Variants in GHR observed in about 807,000 individuals in gnomAD.
GHR encodes growth hormone receptor.
Under a neutral mutation model 67.1 loss-of-function variants are expected in GHR, and 35 were observed. The observed-to-expected ratio is 0.52, with a 90% CI of 0.40 to 0.69. GHR has a LOEUF of 0.69. Ranked by LOEUF, GHR falls within the 30% of genes least tolerant of loss-of-function variation. GHR has a pLI of 0.00. For synonymous variants in GHR, 272 were observed against 269.1 expected (o/e 1.01, Z -0.10); for missense variants, 792 against 764.6 (o/e 1.04, Z -0.42).
intron 7 of GHR, among the ~76,000 whole-genome samples, chr5:42,712,253 G>C (rs937688618): frequency 1.3e-5 from 2 of 151,978 alleles, no homozygotes; most frequent in African/African-American, 4.8e-5. Flanking sequence ...AATTTCTATA[G>C]CACCATTTTC....
intron 3 of GHR, among the ~76,000 whole-genome samples, chr5:42,632,020 AC>A (rs1237471836): frequency 6.6e-6 from 1 of 150,718 alleles, no homozygotes; most frequent in Non-Finnish European, 1.5e-5. Context: ...CTCTCCTTCC[AC>A]CCCCTGCCCC....
At chr5:42,454,055 CTG>C (rs1744158321) in intron 1 of GHR, among the ~76,000 whole-genome samples, 1 of 152,146 alleles carries the variant, frequency 6.6e-6, no homozygotes, top group African/African-American at 2.4e-5. Flanking sequence ...ATTGCAGTGA[CTG>C]TTATTGTTCT....
intron 1 of GHR, among the ~76,000 whole-genome samples, chr5:42,453,682 A>C (rs1744143072): frequency 6.6e-6 from 1 of 152,174 alleles, no homozygotes; most frequent in African/African-American, 2.4e-5. Context: ...GCAGGCCTGA[A>C]TCTGGGGTTT....
intron 3 of GHR, among the ~76,000 whole-genome samples, chr5:42,632,298 C>T (rs1046291468): frequency 6.6e-6 from 1 of 152,062 alleles, no homozygotes; most frequent in African/African-American, 2.4e-5. Flanking sequence ...TCAGTCCTGC[C>T]CACCTTTAAG....
intron 1 of GHR, among the ~76,000 whole-genome samples, chr5:42,460,106 C>T (rs568214009): frequency 3.9e-5 from 6 of 152,242 alleles, no homozygotes; most frequent in Middle Eastern, 3.4e-3. Flanking sequence ...AACAGACACC[C>T]GAGTTCTCTC....
At chr5:42,643,570 T>G (rs1754583398) in intron 3 of GHR, among the ~76,000 whole-genome samples, 1 of 152,136 alleles carries the variant, frequency 6.6e-6, no homozygotes, top group African/African-American at 2.4e-5. Flanking sequence ...TCATCAAATA[T>G]CCACAGTGGT....
chr5:42,657,102 G>A (rs911327460), intron 3 of GHR, among the ~76,000 whole-genome samples: 1 of 151,992 alleles, frequency 6.6e-6, no homozygotes, highest in Non-Finnish European at 1.5e-5. Flanking sequence ...ACTGGGTAGG[G>A]GCTTAGCAGT....
intron 1 of GHR, among the ~76,000 whole-genome samples, chr5:42,426,809 C>T (rs1444650531): frequency 6.6e-6 from 1 of 151,916 alleles, no homozygotes; most frequent in Non-Finnish European, 1.5e-5. Context: ...ATAATATGTC[C>T]CATAAAAGAA....
chr5:42,455,656 C>A (rs1482075266), intron 1 of GHR, among the ~76,000 whole-genome samples: 1 of 152,174 alleles, frequency 6.6e-6, no homozygotes, highest in East Asian at 1.9e-4. Flanking sequence ...AGTGGCAAGT[C>A]CTTTGCCTTC....
rs1742759569 is a variant in GHR, at chr5:42,424,571, T to G, written c.-12+616T>G. ...ACCGATGGAACTGGGGTCAGTAGAG[T>G]GACAGCCACCAGTCCGCATGAACTG... On this transcript the variant is annotated intron_variant, in intron 1 of 9. Transcript: ENST00000230882. The surrounding 1 kb of genome is among the most constrained non-coding windows in gnomAD (Gnocchi z 4.1). The G allele has an allele frequency of 6.5e-7, 1 of 1,534,282 alleles. No individual in the cohort carries two copies. Among genetic ancestry groups the G allele is most frequent in the African/African-American group, 1.4e-5 (1 of 73,070 alleles).
In GHR at chr5:42,563,130, A is replaced by C. The variant is rs549304673; in HGVS notation, c.-11-2734A>C. On this transcript the variant is annotated intron_variant, in intron 1 of 9. Transcript: ENST00000230882. ...AAACCAGAGGATGCAGCCTTCCGAG[A>C]AATGCAAACCTGTTCACATTCTTGC... Among the ~76,000 whole-genome samples the C allele has an allele frequency of 9.8e-5, 15 of 152,332 alleles. No individual in the cohort carries two copies. In the East Asian group the frequency reaches 2.5e-3, roughly 25 times the overall value.
At chr5:42,626,396 A>T (rs1290995571) in intron 2 of GHR, among the ~76,000 whole-genome samples, 1 of 152,188 alleles carries the variant, frequency 6.6e-6, no homozygotes, top group Admixed American at 6.5e-5. Context: ...AGCTTATTAG[A>T]AAGGATATTA....
At chr5:42,438,746 C>T (rs1463654842) in intron 1 of GHR, among the ~76,000 whole-genome samples, 1 of 152,118 alleles carries the variant, frequency 6.6e-6, no homozygotes, top group African/African-American at 2.4e-5. Flanking sequence ...TAGTGAACCA[C>T]AGCCTCCATG....
At chr5:42,448,208 C>T (rs186910180) in intron 1 of GHR, among the ~76,000 whole-genome samples, 167 of 152,282 alleles carry the variant, frequency 1.1e-3, no homozygotes, top group African/African-American at 3.7e-3. Flanking sequence ...TACATTCCCA[C>T]CAGTAGCGTA....
intron 2 of GHR, among the ~76,000 whole-genome samples, chr5:42,567,744 AGT>A (rs1436722847): frequency 6.8e-6 from 1 of 148,098 alleles, no homozygotes; most frequent in South Asian, 2.2e-4. Context: ...AGCACGTTCC[AGT>A]GTGTGTGTGC....
intron 3 of GHR, among the ~76,000 whole-genome samples, chr5:42,641,208 A>G (rs1754458574): frequency 7.4e-6 from 1 of 134,758 alleles, no homozygotes; most frequent in Admixed American, 7.1e-5. Flanking sequence ...CCTTTGAAAA[A>G]GGTGTCTTTT....
chr5:42,563,519 G>C (rs1749738185), intron 1 of GHR, among the ~76,000 whole-genome samples: 1 of 150,824 alleles, frequency 6.6e-6, no homozygotes, highest in South Asian at 2.1e-4. Context: ...TCGGGAGGCT[G>C]AGGCAGGAGA....
At chr5:42,697,302 T>C (rs1240826261) in intron 5 of GHR, among the ~76,000 whole-genome samples, 2 of 152,258 alleles carry the variant, frequency 1.3e-5, no homozygotes, top group Non-Finnish European at 2.9e-5. Context: ...TTTATTATGC[T>C]CTTCTCTCAG....
intron 1 of GHR, among the ~76,000 whole-genome samples, chr5:42,528,581 A>G (rs1361824467): frequency 6.6e-6 from 1 of 152,222 alleles, no homozygotes; most frequent in Non-Finnish European, 1.5e-5. Flanking sequence ...TGCCATGAAC[A>G]CTGTTGAAAT....
Sources: allele counts gnomAD v4.1 joint callset (sites outside exome capture counted in the v4.1 genomes callset), GRCh38; gene constraint gnomAD v4.1.1; non-coding constraint Gnocchi (gnomAD v3.1); transcripts MANE v1.5; gene names NCBI Gene and HGNC (gene_info 2026-07-23, HGNC 2026-07-21).